The following JARID2 variants were observed in gnomAD, a reference collection of about 807,000 sequenced individuals.
JARID2 encodes protein Jumonji.
In JARID2, 21 loss-of-function variants were observed where a neutral mutation model predicts 125.6. The observed-to-expected ratio is 0.17, with a 90% confidence interval of 0.12 to 0.24. The LOEUF (loss-of-function observed/expected upper bound fraction) is 0.24, where lower values mean the gene tolerates loss of function less well. JARID2 is among the 10% of genes least tolerant of loss of function. JARID2 has a pLI of 1.00. For missense variants in JARID2, 1,303 were observed against 1,639.6 expected (o/e 0.79, Z 3.55); for synonymous variants, 736 against 661.6 (o/e 1.11, Z -1.73).
At chr6:15,397,124 A>G (rs986164733) in intron 2 of JARID2, among the ~76,000 whole-genome samples, 5 of 152,212 alleles carry the variant, frequency 3.3e-5, no homozygotes, top group African/African-American at 1.2e-4. Flanking sequence ...TTTTATTTAA[A>G]TAAAATTCCA....
At chr6:15,393,555 A>G (rs769928418) in intron 2 of JARID2, among the ~76,000 whole-genome samples, 1 of 152,264 alleles carries the variant, frequency 6.6e-6, no homozygotes, top group Non-Finnish European at 1.5e-5. Context: ...GAATTGTGGA[A>G]AAATTCAAGA....
chr6:15,337,011 A>C (rs1342801766), intron 1 of JARID2, among the ~76,000 whole-genome samples: 3 of 152,178 alleles, frequency 2.0e-5, no homozygotes, highest in Non-Finnish European at 2.9e-5. Flanking sequence ...CTCCACTTAA[A>C]TGTGTAATGG....
chr6:15,332,844 C>G (rs563060622), intron 1 of JARID2, among the ~76,000 whole-genome samples: 1 of 151,874 alleles, frequency 6.6e-6, no homozygotes, highest in Non-Finnish European at 1.5e-5. Context: ...AAGGTTCTTC[C>G]CGTATTCTTC....
chr6:15,316,789 A>G (rs533255735), intron 1 of JARID2, among the ~76,000 whole-genome samples: 25 of 152,326 alleles, frequency 1.6e-4, no homozygotes, highest in Non-Finnish European at 3.2e-4. Context: ...GGCAAGAGCC[A>G]GTGCACCTGG....
At chr6:15,417,921 T>C (rs1330010533) in intron 3 of JARID2, among the ~76,000 whole-genome samples, 1 of 152,186 alleles carries the variant, frequency 6.6e-6, no homozygotes, top group African/African-American at 2.4e-5. Context: ...TTTACACAAA[T>C]GATTTATATC....
intron 1 of JARID2, among the ~76,000 whole-genome samples, chr6:15,279,757 A>T (rs1374078756): frequency 1.3e-5 from 2 of 152,214 alleles, no homozygotes; most frequent in Non-Finnish European, 2.9e-5. Flanking sequence ...TTTGAAAAAC[A>T]GTTACTTTCC....
chr6:15,334,338 A>G (rs1762811257), intron 1 of JARID2, among the ~76,000 whole-genome samples: 1 of 152,072 alleles, frequency 6.6e-6, no homozygotes, highest in Non-Finnish European at 1.5e-5. Context: ...TGAGCCCTAG[A>G]GTTACTTTGG....
At chr6:15,311,622 C>A (rs1356197379) in intron 1 of JARID2, among the ~76,000 whole-genome samples, 1 of 152,108 alleles carries the variant, frequency 6.6e-6, no homozygotes, top group Non-Finnish European at 1.5e-5. Flanking sequence ...TGTGAGCAAG[C>A]CTTTTCTCTC....
chr6:15,305,314 C>A (rs984436617), intron 1 of JARID2, among the ~76,000 whole-genome samples: 1 of 151,980 alleles, frequency 6.6e-6, no homozygotes, highest in Non-Finnish European at 1.5e-5. Flanking sequence ...GAGAGCAACT[C>A]CGCTGTGGGC....
At chr6:15,381,420 C>T (rs1161914668) in intron 2 of JARID2, among the ~76,000 whole-genome samples, 1 of 151,484 alleles carries the variant, frequency 6.6e-6, no homozygotes, top group Non-Finnish European at 1.5e-5. Flanking sequence ...GTCTCCTCCT[C>T]TGCAAGCTGT....
chr6:15,400,257 G>A (rs906212182), intron 2 of JARID2, among the ~76,000 whole-genome samples: 2 of 152,106 alleles, frequency 1.3e-5, no homozygotes, highest in Non-Finnish European at 2.9e-5. Context: ...CACTTCATAA[G>A]TAATGAGGCT....
In JARID2 at chr6:15,496,496, G is replaced by T. The variant is rs768340245; in HGVS notation, c.1271G>T (p.Gly424Val). ...NPKSCTKEVG[G>V]RQLREGLQLR... ...AAGTCATGCACTAAGGAGGTGGGGG[G>T]GCGGCAGCTGCGGGAGGGCCTGCAG... Residue 424 changes from glycine to valine, a missense_variant, in exon 7 of 18, where the codon GGG becomes GTG. Gly to Val is a moderately radical substitution (Grantham distance 109). Coordinates refer to ENST00000341776, the MANE Select transcript of JARID2 (RefSeq NM_004973.4). 6.2e-7 allele frequency: 1 copy of T among 1,609,162 alleles called. No homozygotes were observed. The highest frequency in any genetic ancestry group is 2.2e-5 in the East Asian group (1 of 44,838).
At chr6:15,508,674 T>C (rs541981685) in intron 12 of JARID2, among the ~76,000 whole-genome samples, 55 of 152,238 alleles carry the variant, frequency 3.6e-4, no homozygotes, top group Non-Finnish European at 7.1e-4. Flanking sequence ...TAACACTGTC[T>C]GATGATGAGC....
intron 1 of JARID2, chr6:15,248,073 C>CT: frequency 5.1e-6 from 5 of 985,296 alleles, no homozygotes; most frequent in Non-Finnish European, 6.0e-6. Context: ...GGTTTTCTTT[C>CT]TTATTGCGGG....
intron 1 of JARID2, among the ~76,000 whole-genome samples, chr6:15,316,575 C>T (rs148179406): frequency 2.0e-5 from 3 of 152,224 alleles, no homozygotes; most frequent in East Asian, 1.9e-4. Context: ...CTCTCTGTCG[C>T]CCAGGCAGGA....
At chr6:15,339,609 C>T (rs922038066) in intron 1 of JARID2, among the ~76,000 whole-genome samples, 7 of 149,636 alleles carry the variant, frequency 4.7e-5, no homozygotes, top group African/African-American at 1.7e-4. Flanking sequence ...GATCTCGGCT[C>T]ACCGCAACCT....
At chr6:15,272,621 C>G (rs1760341435) in intron 1 of JARID2, among the ~76,000 whole-genome samples, 1 of 152,162 alleles carries the variant, frequency 6.6e-6, no homozygotes, top group Non-Finnish European at 1.5e-5. Context: ...GGTTGGACCC[C>G]CCTACCACTA....
intron 11 of JARID2, among the ~76,000 whole-genome samples, 179 bp from the exon 12 acceptor site, chr6:15,508,161 C>T (rs1456158243): frequency 1.3e-5 from 2 of 152,228 alleles, no homozygotes; most frequent in African/African-American, 4.8e-5. Context: ...CATATTCTCC[C>T]ACTTCTGTAG....
At chr6:15,518,470 C>T (rs776263893) in intron 17 of JARID2, among the ~76,000 whole-genome samples, 7 of 152,152 alleles carry the variant, frequency 4.6e-5, no homozygotes, top group Admixed American at 3.9e-4. Flanking sequence ...GTGCCTCTGT[C>T]CCCTGTTGAG....
Sources: gnomAD v4.1 joint callset for allele counts (sites outside exome capture counted in the v4.1 genomes callset) on GRCh38, gnomAD v4.1.1 for gene constraint, MANE v1.5 for transcripts, NCBI Gene and HGNC (gene_info 2026-07-23, HGNC 2026-07-21) for gene names.